The following RANBP2 variants were observed in gnomAD, a reference collection of about 807,000 sequenced individuals.
RANBP2 encodes the protein E3 SUMO-protein ligase RanBP2.
In RANBP2, 57 loss-of-function variants were observed where a neutral mutation model predicts 303.6. The observed-to-expected ratio is 0.19, with a 90% CI of 0.15 to 0.23. The LOEUF is 0.23. Ranked by LOEUF, RANBP2 falls within the 10% of genes least tolerant of loss-of-function variation. The probability of loss-of-function intolerance (pLI) is 1.00; values close to 1 mark genes in which losing one functional copy is unlikely to be tolerated. For synonymous variants in RANBP2, 1,167 were observed against 1,301.5 expected, an observed-to-expected ratio of 0.90 and a Z score of 2.23; for missense variants, 3,138 against 3,780.8, an observed-to-expected ratio of 0.83 and a Z score of 4.46.
the RANBP2 span, among the ~76,000 whole-genome samples, chr2:109,078,195 A>G: frequency 1.7e-5 from 1 of 57,962 alleles, no homozygotes; most frequent in African/African-American, 6.9e-5. Context: ...ATATATATAT[A>G]GCGTATATAT....
At chr2:108,919,062 G>T in the RANBP2 span, among the ~76,000 whole-genome samples, 20 of 152,118 alleles carry the variant, frequency 1.3e-4, no homozygotes, top group Non-Finnish European at 1.2e-4. Context: ...TTGCTCAGCG[G>T]GTCCCTGGAG....
chr2:109,278,681 T>G, the RANBP2 span, among the ~76,000 whole-genome samples: 5 of 152,206 alleles, frequency 3.3e-5, no homozygotes, highest in African/African-American at 1.2e-4. Context: ...CTGCTGAATT[T>G]TACCTTCTTT....
At chr2:108,919,998 C>T in the RANBP2 span, among the ~76,000 whole-genome samples, 3 of 152,242 alleles carry the variant, frequency 2.0e-5, no homozygotes, top group Non-Finnish European at 4.4e-5. Flanking sequence ...CACCAAGCAC[C>T]CTCTTGCCTC....
chr2:109,123,502 C>T, the RANBP2 span, among the ~76,000 whole-genome samples: 6 of 152,160 alleles, frequency 3.9e-5, no homozygotes, highest in South Asian at 2.1e-4. Context: ...TGCCTATATG[C>T]GGATGAATTC....
the RANBP2 span, among the ~76,000 whole-genome samples, chr2:109,727,305 A>G: frequency 6.6e-6 from 1 of 152,192 alleles, no homozygotes; most frequent in African/African-American, 2.4e-5. Flanking sequence ...AACCTGTGGG[A>G]AACGATGAAC....
At chr2:109,532,360 A>G in the RANBP2 span, among the ~76,000 whole-genome samples, 1 of 152,192 alleles carries the variant, frequency 6.6e-6, no homozygotes, top group African/African-American at 2.4e-5. Flanking sequence ...TTATACTTCC[A>G]AAGCCCTAGA....
chr2:108,957,891 C>T, the RANBP2 span, among the ~76,000 whole-genome samples: 21 of 152,174 alleles, frequency 1.4e-4, no homozygotes, highest in African/African-American at 5.1e-4. Flanking sequence ...TTAATTATAG[C>T]GCAGGAAAGC....
the RANBP2 span, among the ~76,000 whole-genome samples, chr2:109,495,542 G>A: frequency 8.3e-6 from 1 of 120,796 alleles, no homozygotes; most frequent in Non-Finnish European, 1.6e-5. Flanking sequence ...GCTGGAGTGT[G>A]CAGCGGTGCA....
At chr2:108,917,345 G>A in the RANBP2 span, among the ~76,000 whole-genome samples, 619 of 152,200 alleles carry the variant, frequency 4.1e-3, 2 homozygotes, top group Middle Eastern at 0.017. Context: ...GCTCTGGCAC[G>A]CTGCAGGGTG....
the RANBP2 span, among the ~76,000 whole-genome samples, chr2:109,069,938 G>A: frequency 6.6e-6 from 1 of 152,328 alleles, no homozygotes; most frequent in Non-Finnish European, 1.5e-5. Context: ...ACAGGAATAA[G>A]CAGTGTACTT....
chr2:109,412,091 C>T, the RANBP2 span, among the ~76,000 whole-genome samples: 1 of 152,202 alleles, frequency 6.6e-6, no homozygotes, highest in African/African-American at 2.4e-5. Flanking sequence ...GGTTGCTTTA[C>T]GTTGGACTCA....
chr2:109,202,089 T>C, the RANBP2 span, among the ~76,000 whole-genome samples: 1 of 152,228 alleles, frequency 6.6e-6, no homozygotes, highest in African/African-American at 2.4e-5. Context: ...GCACACAGCC[T>C]CCCCTCGAGG....
chr2:109,393,352 A>G, the RANBP2 span, among the ~76,000 whole-genome samples: 5 of 152,250 alleles, frequency 3.3e-5, no homozygotes, highest in African/African-American at 1.2e-4. Flanking sequence ...CAACAATGGC[A>G]TCTGCAAAGA....
At chr2:108,873,604 T>C in the RANBP2 span, 8 of 1,532,002 alleles carry the variant, frequency 5.2e-6, no homozygotes, top group Admixed American at 9.2e-5. Context: ...GAATTTCTTA[T>C]TTCTAACATT....
chr2:109,778,198 C>T, the RANBP2 span, among the ~76,000 whole-genome samples: 2 of 138,798 alleles, frequency 1.4e-5, no homozygotes, highest in African/African-American at 2.8e-5. Context: ...ATCCCTCATT[C>T]AGGGGGTCAC....
the RANBP2 span, among the ~76,000 whole-genome samples, chr2:109,500,445 A>G: frequency 6.6e-6 from 1 of 152,134 alleles, no homozygotes; most frequent in Non-Finnish European, 1.5e-5. Flanking sequence ...GGAAGACCCC[A>G]GGGAAGGCTC....
At chr2:109,246,045 A>T in the RANBP2 span, among the ~76,000 whole-genome samples, 1 of 152,232 alleles carries the variant, frequency 6.6e-6, no homozygotes, top group African/African-American at 2.4e-5. Context: ...AGACACCTGG[A>T]TTCATACTTC....
chr2:109,549,959 G>A, the RANBP2 span, among the ~76,000 whole-genome samples: 1 of 152,138 alleles, frequency 6.6e-6, no homozygotes, highest in African/African-American at 2.4e-5. Context: ...GGGGACTACT[G>A]TACAATGCTG....
chr2:109,043,957 A>G, the RANBP2 span, among the ~76,000 whole-genome samples: 1 of 152,118 alleles, frequency 6.6e-6, no homozygotes, highest in South Asian at 2.1e-4. Context: ...GCAGGGCAGC[A>G]GGGATGGTGA....
Sources: allele counts gnomAD v4.1 joint callset (sites outside exome capture counted in the v4.1 genomes callset), GRCh38; gene constraint gnomAD v4.1.1; transcripts MANE v1.5; gene names NCBI Gene and HGNC (gene_info 2026-07-23, HGNC 2026-07-21).